The following PTCD2 variants were observed in gnomAD, a reference collection of about 807,000 sequenced individuals.
PTCD2 encodes pentatricopeptide repeat-containing protein 2, mitochondrial.
In PTCD2, 31 loss-of-function variants were observed where a neutral mutation model predicts 42.6. That is an observed-to-expected ratio of 0.73 (90% CI 0.55 to 0.98). PTCD2 has a LOEUF of 0.98. PTCD2 is among the 50% of genes least tolerant of loss of function. The pLI, the probability that PTCD2 is intolerant of heterozygous loss-of-function variation, is 0.00. For missense variants in PTCD2, 476 were observed against 454.8 expected, an observed-to-expected ratio of 1.05 and a Z score of -0.42; for synonymous variants, 183 against 170.9, an observed-to-expected ratio of 1.07 and a Z score of -0.55.
intron 2 of PTCD2, among the ~76,000 whole-genome samples, chr5:72,325,603 A>G (rs1282797544): frequency 6.6e-6 from 1 of 152,172 alleles, no homozygotes; most frequent in Non-Finnish European, 1.5e-5. Context: ...AAAAATTGGA[A>G]GAGCCACTGC....
Position 72,365,657 on chromosome 5 carries a change from T to A in PTCD2, c.*7230T>A, listed in dbSNP as rs1753186977. On this transcript the variant is annotated 3_prime_UTR_variant, in exon 10 of 10. Transcript: ENST00000380639. ...CATTTTATAGCTGCAAATTACTGGG[T>A]TGATGTCAGGTAGGGTGAGGAGTAT... 1 of 152,128 alleles carries A rather than the reference T, an allele frequency of 6.6e-6. No homozygotes were observed. Among genetic ancestry groups the A allele is most frequent in the African/African-American group, 2.4e-5 (1 of 41,418 alleles). 9.4% of individuals were successfully genotyped at this position (152,128 alleles called of 1,614,324 possible).
chr5:72,357,350 C>T (rs1350951416), intron 9 of PTCD2, among the ~76,000 whole-genome samples: 1 of 152,174 alleles, frequency 6.6e-6, no homozygotes, highest in African/African-American at 2.4e-5. Flanking sequence ...AGTGTAAACT[C>T]CAAAATATAC....
In PTCD2 at chr5:72,358,578, G is replaced by T. The variant is rs1239880904; in HGVS notation, c.*151G>T. 3.2e-6 allele frequency: 2 copies of T among 627,932 alleles called. No individual in the cohort carries two copies. Among genetic ancestry groups the T allele is most frequent in the Non-Finnish European group, 5.6e-6 (2 of 354,868 alleles). The allele number at this position is 627,932 out of a possible 1,614,324, so 38.9% of individuals were successfully genotyped here. Reference sequence around the variant, plus strand: ...CAAATTCACTGAATGGTACCATGCCGATCTCTGAGAAGTTATGTTGCACCA... The same window carrying T: ...CAAATTCACTGAATGGTACCATGCCTATCTCTGAGAAGTTATGTTGCACCA... On this transcript the variant is annotated 3_prime_UTR_variant, in exon 10 of 10. Transcript: ENST00000380639.
intron 8 of PTCD2, among the ~76,000 whole-genome samples, chr5:72,343,817 TTA>T (rs149112236): frequency 0.062 from 9,493 of 152,176 alleles, 534 homozygotes; most frequent in African/African-American, 0.15. Flanking sequence ...GACTGTCTTG[TTA>T]TTAAGGACAC....
At chr5:72,348,718 C>T (rs892523106) in intron 8 of PTCD2, among the ~76,000 whole-genome samples, 3 of 152,186 alleles carry the variant, frequency 2.0e-5, no homozygotes, top group African/African-American at 4.8e-5. Context: ...TTCCACTGAT[C>T]GTATTTGAAT....
Position 72,352,682 on chromosome 5 carries a change from A to T in PTCD2, c.870A>T (p.Ile290=). The T allele has an allele frequency of 6.2e-7, 1 of 1,601,612 alleles. No individual in the cohort carries two copies. Among genetic ancestry groups the T allele is most frequent in the African/African-American group, 1.3e-5 (1 of 74,740 alleles). ...HIQSNMLENL[I]KTLKNAAEGN... is the part of the protein sequence containing the mutation. ...AGTCAAATATGTTGGAAAACCTGAT[A>T]AAGACTCTAAAAAATGCTGCAGAAG... The change falls in exon 9 of 10, where the codon ATA becomes ATT. Residue 290 remains isoleucine (I), a synonymous_variant. Coordinates refer to ENST00000380639, the MANE Select transcript of PTCD2 (RefSeq NM_024754.5).
chr5:72,351,099 G>A (rs1211461415), intron 8 of PTCD2, among the ~76,000 whole-genome samples: 2 of 152,216 alleles, frequency 1.3e-5, no homozygotes. Flanking sequence ...TTGGGGATAA[G>A]TTAATATATT....
At chr5:72,349,412 T>A (rs1233320158) in intron 8 of PTCD2, among the ~76,000 whole-genome samples, 1 of 152,212 alleles carries the variant, frequency 6.6e-6, no homozygotes, top group Admixed American at 6.5e-5. Flanking sequence ...CTATTAAGGT[T>A]AGGGAGTTCT....
At chr5:72,333,517 A>G (rs1365553049) in intron 4 of PTCD2, among the ~76,000 whole-genome samples, 2 of 152,176 alleles carry the variant, frequency 1.3e-5, no homozygotes, top group Non-Finnish European at 2.9e-5. Flanking sequence ...CAGGGTCTGC[A>G]TAGTAGGTGA....
chr5:72,343,692 G>GA (rs1561390023), intron 8 of PTCD2, among the ~76,000 whole-genome samples: 1 of 151,672 alleles, frequency 6.6e-6, no homozygotes, highest in Non-Finnish European at 1.5e-5. Flanking sequence ...AAAAGCATAG[G>GA]AAAAAAAATT....
rs940349558 is a variant in PTCD2, at chr5:72,361,783, A to G, written c.*3356A>G. 5 of 152,080 alleles carry G rather than the reference A, an allele frequency of 3.3e-5. No homozygotes were observed. The highest frequency in any genetic ancestry group is 1.9e-4 in the East Asian group (1 of 5,180). The allele number at this position is 152,080 out of a possible 1,614,324, so 9.4% of individuals were successfully genotyped here. A position where few individuals can be genotyped will look rare whatever the true frequency, so the allele number is the denominator to read the frequency against. On this transcript the variant is annotated 3_prime_UTR_variant, in exon 10 of 10. Coordinates refer to ENST00000380639, the MANE Select transcript of PTCD2 (RefSeq NM_024754.5). ...TGTCCATCCAGCTCCAACTCTTGCT[A>G]CTCTACGCCCCTCTTCCCCTCTTGT...
intron 8 of PTCD2, among the ~76,000 whole-genome samples, chr5:72,344,205 G>A (rs913504741): frequency 1.3e-5 from 2 of 152,118 alleles, no homozygotes; most frequent in Non-Finnish European, 2.9e-5. Flanking sequence ...TTTTGGTGGA[G>A]CATCTATTTA....
intron 2 of PTCD2, among the ~76,000 whole-genome samples, chr5:72,324,503 C>T (rs1348899929): frequency 6.6e-6 from 1 of 152,188 alleles, no homozygotes; most frequent in Non-Finnish European, 1.5e-5. Flanking sequence ...GATTTCCTTA[C>T]CTAGAATATC....
chr5:72,320,679 G>A, intron 1 of PTCD2, 170 bp downstream of exon 1: 2 of 812,894 alleles, frequency 2.5e-6, no homozygotes, highest in Non-Finnish European at 3.9e-6. Flanking sequence ...ACTGGGGGTC[G>A]TGGATACCCC....
At chr5:72,353,222 C>G (rs970550998) in intron 9 of PTCD2, among the ~76,000 whole-genome samples, 8 of 152,168 alleles carry the variant, frequency 5.3e-5, no homozygotes, top group African/African-American at 1.7e-4. Flanking sequence ...CTCACACCAG[C>G]CTCTTCAGTC....
intron 9 of PTCD2, among the ~76,000 whole-genome samples, chr5:72,357,714 CT>C (rs546238500): frequency 1.3e-5 from 2 of 152,030 alleles, no homozygotes; most frequent in Admixed American, 6.6e-5. Context: ...TTGAACCCCC[CT>C]TTTTTTATAT....
intron 1 of PTCD2, 171 bp downstream of exon 1, chr5:72,320,680 T>C (rs1196630758): frequency 3.7e-6 from 3 of 808,150 alleles, no homozygotes; most frequent in Non-Finnish European, 3.9e-6. Flanking sequence ...CTGGGGGTCG[T>C]GGATACCCCC....
At chr5:72,322,379 A>T in intron 2 of PTCD2, 115 bp downstream of exon 2, 1 of 698,284 alleles carries the variant, frequency 1.4e-6, no homozygotes, top group Non-Finnish European at 2.6e-6. Flanking sequence ...AAAAGTTGAG[A>T]CCATTTATTG....
intron 8 of PTCD2, among the ~76,000 whole-genome samples, chr5:72,352,301 C>T (rs1173548238): frequency 6.6e-6 from 1 of 152,134 alleles, no homozygotes; most frequent in Non-Finnish European, 1.5e-5. Context: ...GTTCATGTCA[C>T]CACTCTCGGC....
Sources: gnomAD v4.1 joint callset for allele counts (sites outside exome capture counted in the v4.1 genomes callset) on GRCh38, gnomAD v4.1.1 for gene constraint, MANE v1.5 for transcripts, NCBI Gene and HGNC (gene_info 2026-07-23, HGNC 2026-07-21) for gene names.